The following GRID2 variants were observed in gnomAD, a reference collection of about 807,000 sequenced individuals.
GRID2 encodes glutamate ionotropic receptor delta type subunit 2, also known as glutamate receptor ionotropic, delta-2.
GRID2 carries 33 observed loss-of-function variants against 114.8 expected under a neutral mutation model. The ratio of observed to expected loss-of-function variants is 0.29; its 90% CI spans 0.22 to 0.38. The LOEUF (loss-of-function observed/expected upper bound fraction) is 0.38, where lower values mean the gene tolerates loss of function less well. GRID2 is among the 10% of genes least tolerant of loss of function. The probability of loss-of-function intolerance (pLI) is 1.00; values close to 1 mark genes in which losing one functional copy is unlikely to be tolerated. For missense variants in GRID2, 1,184 were observed against 1,257.7 expected, an observed-to-expected ratio of 0.94 and a Z score of 0.89; for synonymous variants, 505 against 449.9, an observed-to-expected ratio of 1.12 and a Z score of -1.55.
At chr4:92,949,825 G>T (rs1220980617) in intron 2 of GRID2, among the ~76,000 whole-genome samples, 2 of 151,836 alleles carry the variant, frequency 1.3e-5, no homozygotes, top group Non-Finnish European at 2.9e-5. Context: ...AGTATGAGAT[G>T]AAGAGGGACT....
chr4:93,043,591 G>A (rs930264664), intron 2 of GRID2, among the ~76,000 whole-genome samples: 2 of 152,104 alleles, frequency 1.3e-5, no homozygotes, highest in Admixed American at 6.6e-5. Context: ...GAACACATAG[G>A]TTTATGTAAA....
intron 2 of GRID2, among the ~76,000 whole-genome samples, chr4:92,612,916 C>A (rs1480737171): frequency 6.6e-6 from 1 of 151,158 alleles, no homozygotes; most frequent in Non-Finnish European, 1.5e-5. Context: ...CCTTTTCTTT[C>A]TTTTATCATT....
rs76480824 is a variant in GRID2, at chr4:93,445,832, T to C, written c.1546-9830T>C. The stretch of plus-strand genomic sequence containing the variant: ...TAAAATTTTTGAAATATCTATTTAC[T>C]TAAGATGTTGAAGAAAACATAAGCA... On this transcript the variant is annotated intron_variant, in intron 10 of 15. Transcript: ENST00000282020. Among the ~76,000 whole-genome samples, 596 of 152,160 alleles carry C rather than the reference T, an allele frequency of 3.9e-3. 16 individuals are homozygous for C. Among genetic ancestry groups the C allele is most frequent in the Admixed American group, 0.027 (415 of 15,250 alleles).
intron 8 of GRID2, among the ~76,000 whole-genome samples, chr4:93,292,577 A>G (rs189519018): frequency 8.5e-5 from 13 of 152,344 alleles, no homozygotes; most frequent in African/African-American, 3.1e-4. Flanking sequence ...TGTGCCAGCA[A>G]CTAAATGAGT....
At chr4:93,103,094 A>C (rs189407648) in intron 3 of GRID2, among the ~76,000 whole-genome samples, 2 of 152,192 alleles carry the variant, frequency 1.3e-5, no homozygotes, top group Admixed American at 1.3e-4. Flanking sequence ...CTTGCCGCTG[A>C]CTACCTTCCT....
chr4:92,864,972 C>T (rs1744762712), intron 2 of GRID2, among the ~76,000 whole-genome samples: 1 of 152,120 alleles, frequency 6.6e-6, no homozygotes, highest in African/African-American at 2.4e-5. Context: ...TTCTTGCTGT[C>T]TTTATTAATG....
intron 2 of GRID2, among the ~76,000 whole-genome samples, chr4:92,926,940 A>C: frequency 6.6e-6 from 1 of 151,920 alleles, no homozygotes; most frequent in East Asian, 1.9e-4. Context: ...CAACTGTTGC[A>C]CTGGGGACTA....
Position 92,954,527 on chromosome 4 carries a change from C to T in GRID2, c.245-130468C>T, listed in dbSNP as rs187447789. Reference sequence around the variant, plus strand: ...CTGCAAGCTCCACCTCCCAGGTTCGCGCCATTCTCCTGCCTCAGCCTCCCA... The same window carrying T: ...CTGCAAGCTCCACCTCCCAGGTTCGTGCCATTCTCCTGCCTCAGCCTCCCA... On this transcript the variant is annotated intron_variant, in intron 2 of 15. Coordinates refer to ENST00000282020, the MANE Select transcript of GRID2 (RefSeq NM_001510.4). Among the ~76,000 whole-genome samples, 803 of 151,808 alleles carry T rather than the reference C, an allele frequency of 5.3e-3. 7 individuals carry two copies. The highest frequency in any genetic ancestry group is 0.018 in the African/African-American group (758 of 41,428).
At chr4:93,365,792 G>A (rs896793213) in intron 8 of GRID2, among the ~76,000 whole-genome samples, 2 of 152,112 alleles carry the variant, frequency 1.3e-5, no homozygotes, top group African/African-American at 2.4e-5. Context: ...GGGAAGTCAG[G>A]GACCCCAAAT....
chr4:93,446,933 G>A (rs927846081), intron 10 of GRID2, among the ~76,000 whole-genome samples: 6 of 151,246 alleles, frequency 4.0e-5, no homozygotes, highest in Non-Finnish European at 8.9e-5. Context: ...AAGACCCATA[G>A]GTTAATTACA....
At chr4:92,308,540 A>G (rs1725532251) in intron 1 of GRID2, among the ~76,000 whole-genome samples, 1 of 152,150 alleles carries the variant, frequency 6.6e-6, no homozygotes, top group Non-Finnish European at 1.5e-5. Flanking sequence ...TGAGAAACCT[A>G]AGATAATCCA....
chr4:92,393,661 A>AT (rs1194792924), intron 1 of GRID2, among the ~76,000 whole-genome samples: 5 of 152,052 alleles, frequency 3.3e-5, no homozygotes, highest in Admixed American at 1.3e-4. Flanking sequence ...TATTTGACTA[A>AT]TTCCTGGCTA....
At chr4:92,586,412 C>G (rs1380298663) in intron 1 of GRID2, among the ~76,000 whole-genome samples, 4 of 149,636 alleles carry the variant, frequency 2.7e-5, no homozygotes, top group Non-Finnish European at 4.5e-5. Flanking sequence ...ACACAGACAC[C>G]AAGCATATAT....
chr4:93,237,020 G>A (rs1277991439), intron 7 of GRID2, among the ~76,000 whole-genome samples: 1 of 151,790 alleles, frequency 6.6e-6, no homozygotes, highest in East Asian at 1.9e-4. Flanking sequence ...ATAATCTTCT[G>A]GGGTAGGCAC....
chr4:93,612,143 T>G (rs1162190731), intron 13 of GRID2, among the ~76,000 whole-genome samples: 1 of 151,932 alleles, frequency 6.6e-6, no homozygotes. Flanking sequence ...CCCCTGCCTT[T>G]TTTTGTTTTC....
At chr4:93,144,495 A>G (rs888966589) in intron 4 of GRID2, among the ~76,000 whole-genome samples, 2 of 152,210 alleles carry the variant, frequency 1.3e-5, no homozygotes, top group African/African-American at 2.4e-5. Flanking sequence ...CTTTGGCTCT[A>G]CAAAGCAGGT....
At chr4:92,794,905 T>TATATATATATATATATACACACACAC (rs745392261) in intron 2 of GRID2, among the ~76,000 whole-genome samples, 3 of 127,814 alleles carry the variant, frequency 2.3e-5, no homozygotes, top group African/African-American at 9.3e-5. Flanking sequence ...TATATATATA[T>TATATATATATATATATACACACACAC]ACACACACAC....
chr4:92,985,622 A>G (rs542755169), intron 2 of GRID2, among the ~76,000 whole-genome samples: 1 of 152,186 alleles, frequency 6.6e-6, no homozygotes, highest in Non-Finnish European at 1.5e-5. Context: ...TGACAAAAAA[A>G]TGATTTACTG....
At chr4:93,760,696 T>G (rs1016939086) in intron 14 of GRID2, among the ~76,000 whole-genome samples, 4 of 152,230 alleles carry the variant, frequency 2.6e-5, no homozygotes, top group Non-Finnish European at 5.9e-5. Context: ...AAACTACTAA[T>G]TAATTTACAG....
Sources: allele counts gnomAD v4.1 joint callset (sites outside exome capture counted in the v4.1 genomes callset), GRCh38; gene constraint gnomAD v4.1.1; transcripts MANE v1.5; gene names NCBI Gene and HGNC (gene_info 2026-07-23, HGNC 2026-07-21).